Variants in CPT1C observed in about 807,000 individuals in gnomAD.
CPT1C encodes carnitine palmitoyltransferase 1C.
Under a neutral mutation model 97.3 loss-of-function variants are expected in CPT1C, and 61 were observed. The observed-to-expected ratio is 0.63, with a 90% CI of 0.51 to 0.78. CPT1C has a LOEUF of 0.78. CPT1C is among the 30% of genes least tolerant of loss of function. The probability of loss-of-function intolerance (pLI) is 0.00; values close to 1 mark genes in which losing one functional copy is unlikely to be tolerated. For missense variants in CPT1C, 975 were observed against 1,065.5 expected, an observed-to-expected ratio of 0.92 and a Z score of 1.18; for synonymous variants, 469 against 447.2, an observed-to-expected ratio of 1.05 and a Z score of -0.61.
chr19:49,692,294 G>A lies in CPT1C; in HGVS notation c.42G>A (p.Leu14=), dbSNP rs1328972299. Reference sequence around the variant, plus strand: ...AGGCCGTGGGCTTCCGACCCTCGCTGACCTCGGACGGGGCTGAAGTGGAAC... The same window carrying A: ...AGGCCGTGGGCTTCCGACCCTCGCTAACCTCGGACGGGGCTGAAGTGGAAC... ...AHQAVGFRPS[L]TSDGAEVELS... Residue 14 remains leucine, a synonymous_variant, in exon 3 of 20, where the codon CTG becomes CTA. Transcript: ENST00000598293. 3 of 1,614,030 alleles carry A rather than the reference G, an allele frequency of 1.9e-6. No homozygotes were observed. In the Admixed American group the frequency reaches 5.0e-5, roughly 27 times the overall value.
chr19:49,704,265 C>T (rs1017214694), intron 7 of CPT1C, among the ~76,000 whole-genome samples: 9 of 152,178 alleles, frequency 5.9e-5, no homozygotes, highest in Admixed American at 5.2e-4. Flanking sequence ...TCTGCCTCCC[C>T]GACTCAAGCG....
chr19:49,706,049 C>T lies in CPT1C; in HGVS notation c.1105C>T (p.Pro369Ser). The T allele has an allele frequency of 4.3e-6, 7 of 1,613,908 alleles. No individual in the cohort carries two copies. Among genetic ancestry groups the T allele is most frequent in the Non-Finnish European group, 5.9e-6 (7 of 1,179,920 alleles). ...EQQFQRILDDPSPACPHEEHL... is the reference protein window; with the variant it reads ...EQQFQRILDDSSPACPHEEHL... ...GCAGTTTCAGAGAATCCTGGATGAT[C>T]CCTCACCGGCCTGCCCCCACGAGGA... Residue 369 changes from proline (P) to serine (S), a missense_variant, in exon 11 of 20, where the codon CCC becomes TCC. Physicochemically the swap from Pro to Ser is moderately conservative, Grantham distance 74. This residue lies in a region of CPT1C where 596 missense variants were observed against 603.1 expected (regional missense o/e 0.99). Coordinates refer to ENST00000598293, the MANE Select transcript of CPT1C (RefSeq NM_001199753.2). This position sits in a 1 kb window ranked among gnomAD's most constrained non-coding sequence, Gnocchi z 4.8.
intron 3 of CPT1C, among the ~76,000 whole-genome samples, chr19:49,693,397 G>A (rs2082462708): frequency 6.6e-6 from 1 of 152,066 alleles, no homozygotes; most frequent in Non-Finnish European, 1.5e-5. Flanking sequence ...GTGTCATCTT[G>A]GGCAAGCACC....
Position 49,701,325 on chromosome 19 carries a change from C to T in CPT1C, c.462C>T (p.Val154=). Residue 154 remains valine, a synonymous_variant, in exon 6 of 20, where the codon GTC becomes GTT. Transcript: ENST00000598293. The part of the protein sequence containing the change: ...SSPTKTWLAL[V]RIFSGRHPML... ...TAACTCCTCCTCCCCAGGCCCTGGT[C>T]CGCATCTTCTCTGGCCGCCACCCGA... 1 of 1,612,546 alleles carries T rather than the reference C, an allele frequency of 6.2e-7. No homozygotes were observed. Among genetic ancestry groups the T allele is most frequent in the Non-Finnish European group, 8.5e-7 (1 of 1,179,548 alleles).
At position 49,700,790 on chromosome 19, in the gene CPT1C, C is replaced by G. The variant is rs753233160; in HGVS notation, c.388C>G (p.Leu130Val). ...ACTGCACGTGGCCCTGAGGCTGCTTCTGTCCTACCACGGCTGGCTTCTTGA... is the reference window on the plus strand; with the variant it reads ...ACTGCACGTGGCCCTGAGGCTGCTTGTGTCCTACCACGGCTGGCTTCTTGA... Reference protein sequence around the residue: ...FTLHVALRLLLSYHGWLLEPH... With the variant: ...FTLHVALRLLVSYHGWLLEPH... Residue 130 changes from leucine (L) to valine (V), a missense_variant, in exon 5 of 20, where the codon CTG (leucine) becomes GTG (valine). Transcript: ENST00000598293. The G allele has an allele frequency of 2.1e-5, 34 of 1,613,428 alleles. No individual in the cohort carries two copies. The highest frequency in any genetic ancestry group is 3.4e-6 in the Non-Finnish European group (4 of 1,180,030).
intron 15 of CPT1C, 65 bp downstream of exon 15, chr19:49,710,549 C>A: frequency 1.3e-6 from 2 of 1,593,482 alleles, no homozygotes; most frequent in Non-Finnish European, 1.7e-6. Context: ...CCAAGACCTG[C>A]CCCTCCACGG....
intron 18 of CPT1C, 26 bp downstream of exon 18, chr19:49,712,875 C>T (rs1449550839): frequency 1.2e-6 from 2 of 1,606,148 alleles, no homozygotes. Flanking sequence ...CGCGCTGGCC[C>T]CCAGAGGAAA....
intron 13 of CPT1C, among the ~76,000 whole-genome samples, chr19:49,708,131 G>A (rs2123451380): frequency 6.6e-6 from 1 of 151,992 alleles, no homozygotes; most frequent in South Asian, 2.1e-4. Context: ...GTTGGTAACT[G>A]GGGCTCAAAG....
intron 8 of CPT1C, 73 bp from the exon 9 acceptor site, chr19:49,704,934 T>A: frequency 7.0e-7 from 1 of 1,424,952 alleles, no homozygotes; most frequent in African/African-American, 1.4e-5. Flanking sequence ...TCAGGACCTG[T>A]ATTTGGGTCA....
rs12985728 is a variant in CPT1C, at chr19:49,706,749, C to T, written c.1343+336C>T. Among the ~76,000 whole-genome samples, 18,400 of 152,012 alleles carry T rather than the reference C, an allele frequency of 0.12. 1,387 individuals carry two copies. Among genetic ancestry groups the T allele is most frequent in the Non-Finnish European group, 0.17 (11,659 of 67,950 alleles). On this transcript the variant is annotated intron_variant, in intron 12 of 19. Coordinates refer to ENST00000598293, the MANE Select transcript of CPT1C (RefSeq NM_001199753.2). This position sits in a 1 kb window ranked among gnomAD's most constrained non-coding sequence, Gnocchi z 4.8. ...GATCTGAGGACCACCAAACCCAGGACCCCTAGGCCCAGGGACCCCAGACTT... is the reference window on the plus strand; with the variant it reads ...GATCTGAGGACCACCAAACCCAGGATCCCTAGGCCCAGGGACCCCAGACTT...
intron 3 of CPT1C, among the ~76,000 whole-genome samples, chr19:49,696,191 T>C (rs983655385): frequency 7.9e-5 from 12 of 152,296 alleles, no homozygotes; most frequent in Middle Eastern, 3.4e-3. Flanking sequence ...CCCAGTGTTT[T>C]CATTTGTAAA....
chr19:49,710,439 T>A lies in CPT1C; in HGVS notation c.1686T>A (p.Ser562=), dbSNP rs745435899. 8 of 1,614,186 alleles carry A rather than the reference T, an allele frequency of 5.0e-6. No homozygotes were observed. The Admixed American group carries it at 8.3e-5, about 17-fold the overall frequency. ...GCTTCATCCGACGCTGCCACCTCTC[T>A]TCAGACAGCTTCATCCAGATCGCCT... ...GKSFIRRCHL[S]SDSFIQIALQ... The change falls in exon 15 of 20, where the codon TCT becomes TCA. Residue 562 remains serine, a synonymous_variant. Coordinates refer to ENST00000598293, the MANE Select transcript of CPT1C (RefSeq NM_001199753.2).
At chr19:49,692,198 G>T in intron 2 of CPT1C, 41 bp from the exon 3 acceptor site, 4 of 1,600,378 alleles carry the variant, frequency 2.5e-6, no homozygotes, top group Non-Finnish European at 3.4e-6. Flanking sequence ...GTCTGAGGGC[G>T]GAGGGGCTGG....
chr19:49,693,190 C>T (rs556652884), intron 3 of CPT1C, among the ~76,000 whole-genome samples: 1 of 152,290 alleles, frequency 6.6e-6, no homozygotes, highest in Non-Finnish European at 1.5e-5. Flanking sequence ...AACTCCTGCT[C>T]TGTCCCTGTT....
In CPT1C at chr19:49,692,263, C is replaced by A. The variant is rs373245393; in HGVS notation, c.11C>A (p.Ala4Glu). Residue 4 changes from alanine (A) to glutamate (E), a missense_variant, in exon 3 of 20, where the codon GCG becomes GAG. Around this residue, in one of 3 missense-constraint regions of CPT1C, gnomAD observed 596 missense variants for 603.1 expected, o/e 0.99. Transcript: ENST00000598293. ...GGGCTCCAGCGTGACATGGCTGAAG[C>A]GCACCAGGCCGTGGGCTTCCGACCC... MAE[A>E]HQAVGFRPSL... 65 of 1,613,704 alleles carry A rather than the reference C, an allele frequency of 4.0e-5. No homozygotes were observed. The highest frequency in any genetic ancestry group is 5.2e-5 in the Non-Finnish European group (61 of 1,180,004).
chr19:49,698,112 C>T (rs1264501007), intron 4 of CPT1C, among the ~76,000 whole-genome samples: 2 of 151,136 alleles, frequency 1.3e-5, no homozygotes, highest in African/African-American at 2.4e-5. Context: ...TGCCTGTAAT[C>T]CCAGCACTTT....
In CPT1C at chr19:49,713,602, C is replaced by T; in HGVS notation, c.2409C>T (p.Phe803=). 6.2e-7 allele frequency: 1 copy of T among 1,607,596 alleles called. No individual in the cohort carries two copies. The highest frequency in any genetic ancestry group is 8.5e-7 in the Non-Finnish European group (1 of 1,176,934). The change falls in exon 20 of 20, where the codon TTC becomes TTT. Residue 803 remains phenylalanine, a synonymous_variant. Coordinates refer to ENST00000598293, the MANE Select transcript of CPT1C (RefSeq NM_001199753.2). ...ASKASMTSTD[F] ...AGGCCTCAATGACATCCACCGACTT[C>T]TGACTCCTTCCAGCAGGCAGCTGGC...
At chr19:49,698,183 G>T (rs2082778390) in intron 4 of CPT1C, among the ~76,000 whole-genome samples, 1 of 151,650 alleles carries the variant, frequency 6.6e-6, no homozygotes, top group African/African-American at 2.4e-5. Context: ...TAAGCAACAT[G>T]GTGAAACCCC....
At chr19:49,708,312 C>A (rs2083634587) in intron 13 of CPT1C, among the ~76,000 whole-genome samples, 1 of 151,510 alleles carries the variant, frequency 6.6e-6, no homozygotes, top group African/African-American at 2.4e-5. Flanking sequence ...TAATGAGAAC[C>A]TGTCTACAAA....
Sources: allele counts gnomAD v4.1 joint callset (sites outside exome capture counted in the v4.1 genomes callset), GRCh38; gene constraint gnomAD v4.1.1; regional missense constraint gnomAD v4.1.1; non-coding constraint Gnocchi (gnomAD v3.1); transcripts MANE v1.5; gene names NCBI Gene and HGNC (gene_info 2026-07-23, HGNC 2026-07-21).